The following SLC4A10 variants were observed in gnomAD, a reference collection of about 807,000 sequenced individuals.
SLC4A10 encodes the protein solute carrier family 4 member 10.
A neutral mutation model predicts 137.7 loss-of-function variants in SLC4A10; 42 were observed. The observed-to-expected ratio is 0.30, with a 90% CI of 0.24 to 0.39. The LOEUF (loss-of-function observed/expected upper bound fraction) is 0.39, where lower values mean the gene tolerates loss of function less well. Among genes scored for constraint, SLC4A10 ranks in the 10% least tolerant of loss-of-function variants. The pLI, the probability that SLC4A10 is intolerant of heterozygous loss-of-function variation, is 1.00. For missense variants in SLC4A10, 925 were observed against 1,355.0 expected (o/e 0.68, Z 4.98); for synonymous variants, 474 against 464.1 (o/e 1.02, Z -0.27).
intron 26 of SLC4A10, among the ~76,000 whole-genome samples, chr2:161,981,269 C>A (rs976918979): frequency 1.3e-5 from 2 of 152,192 alleles, no homozygotes; most frequent in African/African-American, 4.8e-5. Flanking sequence ...ACAGTAATTG[C>A]ACATGTGTAG....
intron 24 of SLC4A10, 128 bp from the exon 25 acceptor site, chr2:161,976,629 TACC>T (rs1699421665): frequency 4.0e-6 from 2 of 499,864 alleles, no homozygotes. Flanking sequence ...ATGTGTATTT[TACC>T]ACAATTTAAA....
intron 1 of SLC4A10, among the ~76,000 whole-genome samples, chr2:161,769,912 G>GAC (rs2051360195): frequency 6.6e-6 from 1 of 151,270 alleles, no homozygotes; most frequent in Admixed American, 6.6e-5. Context: ...AAGAAAGGCA[G>GAC]GTCCCCAATG....
intron 1 of SLC4A10, among the ~76,000 whole-genome samples, chr2:161,698,046 G>A (rs1486888804): frequency 1.3e-5 from 2 of 152,114 alleles, no homozygotes; most frequent in East Asian, 3.9e-4. Context: ...TGGATTCCTA[G>A]GTATTTTATT....
chr2:161,851,185 G>T (rs955563125), intron 4 of SLC4A10, among the ~76,000 whole-genome samples: 2 of 152,152 alleles, frequency 1.3e-5, no homozygotes, highest in Middle Eastern at 3.2e-3. Context: ...TGTATATTCT[G>T]TTTTTGTTGG....
In SLC4A10 at chr2:161,637,497, G is replaced by A. The variant is rs554437662; in HGVS notation, c.48+12931G>A. Among the ~76,000 whole-genome samples the A allele has an allele frequency of 5.9e-4, 90 of 152,054 alleles. No homozygotes were observed. The East Asian group carries it at 6.8e-3, about 11-fold the overall frequency. On this transcript the variant is annotated intron_variant, in intron 1 of 26. Transcript: ENST00000446997. ...ATTACAGGTGTGAGCCACTGTGTCC[G>A]GCCTATCTGGCTTACATTTTTAAAT...
intron 1 of SLC4A10, among the ~76,000 whole-genome samples, chr2:161,686,790 A>T (rs2041460759): frequency 6.6e-6 from 1 of 152,172 alleles, no homozygotes. Context: ...TTAAGGAAGT[A>T]AAGGTGTAAG....
rs546349306 is a variant in SLC4A10, at chr2:161,685,683, T to C, written c.48+61117T>C. Among the ~76,000 whole-genome samples, 4 of 152,066 alleles carry C rather than the reference T, an allele frequency of 2.6e-5. No individual in the cohort carries two copies. In the South Asian group the frequency reaches 8.3e-4, roughly 32 times the overall value. ...AGGTTTAGTGAGATTGAACAATTTG[T>C]CCAATATTGTACACTAGTAAGTGGT... On this transcript the variant is annotated intron_variant, in intron 1 of 26. Transcript: ENST00000446997.
At chr2:161,962,960 A>G (rs1696978108) in intron 21 of SLC4A10, among the ~76,000 whole-genome samples, 1 of 152,168 alleles carries the variant, frequency 6.6e-6, no homozygotes, top group Admixed American at 6.6e-5. Context: ...AAAATCTAAT[A>G]TTACTTTTTG....
rs546717424 is a variant in SLC4A10, at chr2:161,635,290, G to T, written c.48+10724G>T. Among the ~76,000 whole-genome samples, 35 of 152,208 alleles carry T rather than the reference G, an allele frequency of 2.3e-4. No homozygotes were observed. The South Asian group carries it at 7.0e-3, about 31-fold the overall frequency. ...TGCCCTTGTTTGATGAGAGGAATGT[G>T]TAGGAACATTGTTGTGGTAGAGAAA... On this transcript the variant is annotated intron_variant, in intron 1 of 26. Transcript: ENST00000446997.
intron 21 of SLC4A10, among the ~76,000 whole-genome samples, chr2:161,961,423 C>A (rs1696693124): frequency 6.6e-6 from 1 of 151,996 alleles, no homozygotes; most frequent in South Asian, 2.1e-4. Context: ...TAATTTTACT[C>A]AAATTAGATT....
At position 161,873,941 on chromosome 2, in the gene SLC4A10, A is replaced by G; in HGVS notation, c.884A>G (p.His295Arg). ...GGACTGGGAGGCCAACAAAAGGGGCATACTAGTCCATGTGGGATGAAACAA... is the reference window on the plus strand; with the variant it reads ...GGACTGGGAGGCCAACAAAAGGGGCGTACTAGTCCATGTGGGATGAAACAA... ...SKGLGGQQKG[H>R]TSPCGMKQRH... The change falls in exon 8 of 27, where the codon CAT becomes CGT. Residue 295 changes from histidine to arginine, a missense_variant. Transcript: ENST00000446997. 1 of 1,594,892 alleles carries G rather than the reference A, an allele frequency of 6.3e-7. No homozygotes were observed. Among genetic ancestry groups the G allele is most frequent in the Non-Finnish European group, 8.5e-7 (1 of 1,178,214 alleles).
chr2:161,908,625 T>G (rs75103907), intron 15 of SLC4A10, among the ~76,000 whole-genome samples: 6,104 of 147,220 alleles, frequency 0.041, 200 homozygotes, highest in South Asian at 0.069. Flanking sequence ...TGGTATTGGG[T>G]TGGGAAAGGA....
At chr2:161,696,954 C>A (rs1442618335) in intron 1 of SLC4A10, among the ~76,000 whole-genome samples, 1 of 152,136 alleles carries the variant, frequency 6.6e-6, no homozygotes, top group Non-Finnish European at 1.5e-5. Flanking sequence ...TCTCCACATC[C>A]TCTCCAGCAT....
Position 161,977,718 on chromosome 2 carries a change from T to C in SLC4A10, c.3345-4T>C. On this transcript the variant is annotated splice_polypyrimidine_tract_variant and splice_region_variant and intron_variant, in intron 25 of 26. Coordinates refer to ENST00000446997, the MANE Select transcript of SLC4A10 (RefSeq NM_001178015.2). ...TAATTTTTATATTACATTTTTGTCATAAGCTCCCCTTCCTAATCACTCTAG... is the reference window on the plus strand; with the variant it reads ...TAATTTTTATATTACATTTTTGTCACAAGCTCCCCTTCCTAATCACTCTAG... 6.3e-7 allele frequency: 1 copy of C among 1,599,710 alleles called. No individual in the cohort carries two copies. The highest frequency in any genetic ancestry group is 2.2e-5 in the East Asian group (1 of 44,456).
chr2:161,708,865 T>C, intron 1 of SLC4A10: 1 of 1,509,180 alleles, frequency 6.6e-7, no homozygotes, highest in Non-Finnish European at 8.8e-7. Context: ...AATATTAGAA[T>C]GTAGGGTGCT....
chr2:161,870,772 T>G (rs780628350), intron 6 of SLC4A10, among the ~76,000 whole-genome samples: 1 of 151,912 alleles, frequency 6.6e-6, no homozygotes, highest in Non-Finnish European at 1.5e-5. Flanking sequence ...TTGTGTGACA[T>G]TTATCTGAAG....
At chr2:161,921,919 C>A (rs947892415) in intron 15 of SLC4A10, among the ~76,000 whole-genome samples, 2 of 152,148 alleles carry the variant, frequency 1.3e-5, no homozygotes, top group Non-Finnish European at 2.9e-5. Context: ...GCACAGTAAT[C>A]TGTATAAAAT....
chr2:161,920,141 G>A (rs753917867), intron 15 of SLC4A10, among the ~76,000 whole-genome samples: 95 of 152,338 alleles, frequency 6.2e-4, no homozygotes, highest in Non-Finnish European at 1.2e-3. Context: ...GCAGGCCTGG[G>A]ATCCAGGCTG....
chr2:161,717,903 C>T (rs1023499782), intron 1 of SLC4A10, among the ~76,000 whole-genome samples: 2 of 152,150 alleles, frequency 1.3e-5, no homozygotes, highest in African/African-American at 2.4e-5. Context: ...TAGAATTCAG[C>T]TGTAAATTCA....
Sources: gnomAD v4.1 joint callset for allele counts (sites outside exome capture counted in the v4.1 genomes callset) on GRCh38, gnomAD v4.1.1 for gene constraint, MANE v1.5 for transcripts, NCBI Gene and HGNC (gene_info 2026-07-23, HGNC 2026-07-21) for gene names.